Variants in DGKH observed in about 807,000 individuals in gnomAD.
DGKH encodes DAG kinase eta.
A neutral mutation model predicts 159.3 loss-of-function variants in DGKH; 90 were observed. The observed-to-expected ratio is 0.57, with a 90% confidence interval of 0.48 to 0.67. DGKH has a LOEUF of 0.67. Ranked by LOEUF, DGKH falls within the 30% of genes least tolerant of loss-of-function variation. The pLI is 0.00. For missense variants in DGKH, 1,181 were observed against 1,506.1 expected, an observed-to-expected ratio of 0.78 and a Z score of 3.57; for synonymous variants, 536 against 553.8, an observed-to-expected ratio of 0.97 and a Z score of 0.45.
chr13:42,178,243 T>C, intron 13 of DGKH, 23 bp downstream of exon 13: 1 of 1,536,082 alleles, frequency 6.5e-7, no homozygotes, highest in East Asian at 2.3e-5. Context: ...TTTTAAGTCT[T>C]TAAATATGGT....
At chr13:42,191,791 G>A (rs984886390) in intron 16 of DGKH, among the ~76,000 whole-genome samples, 11 of 151,926 alleles carry the variant, frequency 7.2e-5, no homozygotes, top group African/African-American at 1.7e-4. Context: ...TAAGTAAAAC[G>A]TAAACTTAAT....
intron 2 of DGKH, among the ~76,000 whole-genome samples, chr13:42,127,923 T>TGAGA (rs138019647): frequency 2.7e-5 from 4 of 148,326 alleles, no homozygotes; most frequent in Non-Finnish European, 4.5e-5. Flanking sequence ...TCCCTGACCA[T>TGAGA]GAGAGAGAGA....
intron 1 of DGKH, among the ~76,000 whole-genome samples, chr13:42,127,135 G>A (rs6561036): frequency 0.017 from 2,576 of 152,212 alleles, 62 homozygotes; most frequent in East Asian, 0.083. Context: ...CTGCTCTTTC[G>A]TAATCATATT....
In DGKH at chr13:42,178,217, C is replaced by T; in HGVS notation, c.1535C>T (p.Ala512Val). 1 of 1,588,588 alleles carries T rather than the reference C, an allele frequency of 6.3e-7. No homozygotes were observed. The highest frequency in any genetic ancestry group is 8.6e-7 in the Non-Finnish European group (1 of 1,163,552). Reference sequence around the variant, plus strand: ...GAACATGCAGTGGTCATATCTTCTGCCAAGTGAGTTGTGGGTTTTAAGTCT... The same window carrying T: ...GAACATGCAGTGGTCATATCTTCTGTCAAGTGAGTTGTGGGTTTTAAGTCT... ...SDEHAVVISS[A>V]KTLCETVKDF... Residue 512 changes from alanine (A) to valine (V), a missense_variant, in exon 13 of 30, where the codon GCC becomes GTC. Ala to Val is a moderately conservative substitution (Grantham distance 64, BLOSUM62 0). Coordinates refer to ENST00000337343, the MANE Select transcript of DGKH (RefSeq NM_178009.5).
intron 1 of DGKH, among the ~76,000 whole-genome samples, chr13:42,053,628 A>G (rs117046345): frequency 0.15 from 21,437 of 146,326 alleles, 1,761 homozygotes; most frequent in African/African-American, 0.17. Flanking sequence ...GTATATATAT[A>G]TATTTTTTTG....
chr13:42,055,166 G>C (rs1044989940), intron 1 of DGKH, among the ~76,000 whole-genome samples: 1 of 152,198 alleles, frequency 6.6e-6, no homozygotes, highest in Non-Finnish European at 1.5e-5. Context: ...TGGCACCTAT[G>C]TTAGAAAATG....
chr13:42,165,495 C>A lies in DGKH; in HGVS notation c.958+62C>A, dbSNP rs561345625. On this transcript the variant is annotated intron_variant, in intron 8 of 29. Transcript: ENST00000337343. ...ATATTTAACATTGATATGTATATTTCTTTTCCTAGAATAATAACTATGATG... is the reference window on the plus strand; with the variant it reads ...ATATTTAACATTGATATGTATATTTATTTTCCTAGAATAATAACTATGATG... 3.6e-5 allele frequency: 32 copies of A among 891,382 alleles called. No homozygotes were observed. The South Asian group carries it at 8.7e-4, about 24-fold the overall frequency. The allele number at this position is 891,382 out of a possible 1,614,324, so 55.2% of individuals were successfully genotyped here.
intron 11 of DGKH, 119 bp from the exon 12 acceptor site, chr13:42,173,941 A>ATGTG (rs71298955): frequency 4.7e-4 from 227 of 480,946 alleles, no homozygotes; most frequent in East Asian, 4.1e-3. Context: ...TAGTTCATGA[A>ATGTG]TGTGTGTGTG....
chr13:42,161,787 A>AAAG (rs1956187306), intron 7 of DGKH, among the ~76,000 whole-genome samples: 1 of 151,992 alleles, frequency 6.6e-6, no homozygotes. Context: ...CTCTCAAAAA[A>AAAG]AAAAAAAGAA....
At chr13:42,192,862 T>C (rs1957116868) in intron 16 of DGKH, among the ~76,000 whole-genome samples, 1 of 152,186 alleles carries the variant, frequency 6.6e-6, no homozygotes, top group South Asian at 2.1e-4. Context: ...GATGCACCAT[T>C]TTAAACAAAA....
intron 30 of DGKH, chr13:42,256,200 G>A (rs746321890): frequency 9.3e-5 from 121 of 1,304,182 alleles, no homozygotes; most frequent in Non-Finnish European, 1.3e-4. Flanking sequence ...GGAGGCAGCA[G>A]TGGACATTTT....
At chr13:42,131,757 G>A (rs1186210962) in intron 3 of DGKH, among the ~76,000 whole-genome samples, 1 of 152,144 alleles carries the variant, frequency 6.6e-6, no homozygotes, top group African/African-American at 2.4e-5. Flanking sequence ...GGTTTATAGG[G>A]CATATTGGAC....
intron 1 of DGKH, among the ~76,000 whole-genome samples, chr13:42,073,302 A>T (rs1398380664): frequency 2.0e-5 from 3 of 152,160 alleles, no homozygotes; most frequent in Admixed American, 6.5e-5. Context: ...TGTGCAGGAG[A>T]TCAACAATTA....
intron 1 of DGKH, chr13:42,070,804 G>C (rs1472579761): frequency 1.4e-6 from 2 of 1,465,014 alleles, no homozygotes; most frequent in African/African-American, 2.8e-5. Flanking sequence ...TTCCGTAAGA[G>C]AGCCCACATC....
chr13:42,138,066 C>T, intron 3 of DGKH: 1 of 985,236 alleles, frequency 1.0e-6, no homozygotes, highest in Non-Finnish European at 1.2e-6. Flanking sequence ...TTAGTCATCT[C>T]ATTCCCTGTG....
chr13:42,123,783 G>A (rs1023384112), intron 1 of DGKH, among the ~76,000 whole-genome samples: 1 of 152,180 alleles, frequency 6.6e-6, no homozygotes, highest in African/African-American at 2.4e-5. Flanking sequence ...AAACCACAAT[G>A]AGATACTATG....
intron 1 of DGKH, among the ~76,000 whole-genome samples, chr13:42,089,845 CT>C (rs1954381401): frequency 6.6e-6 from 1 of 152,080 alleles, no homozygotes; most frequent in African/African-American, 2.4e-5. Flanking sequence ...AGGACATGGT[CT>C]CTTTGTGGAG....
downstream of DGKH, among the ~76,000 whole-genome samples, chr13:42,244,602 C>T (rs1365248414): frequency 6.6e-6 from 1 of 152,150 alleles, no homozygotes; most frequent in Non-Finnish European, 1.5e-5. Flanking sequence ...TCTAACAAGG[C>T]GCTCTTAAGA....
chr13:42,083,238 A>G (rs565097379), intron 1 of DGKH, among the ~76,000 whole-genome samples: 46 of 152,308 alleles, frequency 3.0e-4, no homozygotes, highest in African/African-American at 1.1e-3. Context: ...CAAAAACACA[A>G]AAAAAGAGGG....
Sources: allele counts gnomAD v4.1 joint callset (sites outside exome capture counted in the v4.1 genomes callset), GRCh38; gene constraint gnomAD v4.1.1; transcripts MANE v1.5; gene names NCBI Gene and HGNC (gene_info 2026-07-23, HGNC 2026-07-21).